Variants in ATRN observed in about 807,000 individuals in gnomAD.
ATRN encodes attractin.
ATRN carries 54 observed loss-of-function variants against 178.7 expected under a neutral mutation model. The ratio of observed to expected loss-of-function variants is 0.30; its 90% CI spans 0.24 to 0.38. The LOEUF (loss-of-function observed/expected upper bound fraction) is 0.38. Ranked by LOEUF, ATRN falls within the 10% of genes least tolerant of loss-of-function variation. The probability of loss-of-function intolerance (pLI) is 1.00; values close to 1 mark genes in which losing one functional copy is unlikely to be tolerated. For synonymous variants in ATRN, 636 were observed against 663.0 expected, an observed-to-expected ratio of 0.96 and a Z score of 0.63; for missense variants, 1,443 against 1,815.1, an observed-to-expected ratio of 0.79 and a Z score of 3.73.
intron 6 of ATRN, among the ~76,000 whole-genome samples, chr20:3,555,629 A>G (rs533637766): frequency 7.6e-4 from 116 of 152,284 alleles, no homozygotes; most frequent in Non-Finnish European, 1.4e-3. Flanking sequence ...CTGAGCCCCA[A>G]CATTTCCTTA....
intron 6 of ATRN, among the ~76,000 whole-genome samples, chr20:3,557,823 A>G (rs566581965): frequency 6.6e-6 from 1 of 152,380 alleles, no homozygotes; most frequent in East Asian, 1.9e-4. Context: ...AATAAATTGC[A>G]TATAACTTTA....
chr20:3,566,867 A>G (rs1235505825), intron 11 of ATRN, among the ~76,000 whole-genome samples: 1 of 134,322 alleles, frequency 7.4e-6, no homozygotes, highest in Non-Finnish European at 1.5e-5. Context: ...AGATTATGCC[A>G]CTGCATTCCA....
intron 4 of ATRN, among the ~76,000 whole-genome samples, chr20:3,546,241 A>G (rs1418746916): frequency 6.6e-6 from 1 of 152,188 alleles, no homozygotes. Context: ...AAATATTAGT[A>G]GTTGTCATGT....
Position 3,574,001 on chromosome 20 carries a change from G to A in ATRN, c.2092+1050G>A, listed in dbSNP as rs368603840. On this transcript the variant is annotated intron_variant, in intron 12 of 28. Coordinates refer to ENST00000262919, the MANE Select transcript of ATRN (RefSeq NM_139321.3). ...GATCTGCCCGCCTCAGCCTCGCAAA[G>A]TGTTGGAATTACAGGCGTGAGCTAC... Among the ~76,000 whole-genome samples, 7 of 152,128 alleles carry A rather than the reference G, an allele frequency of 4.6e-5. No homozygotes were observed. The East Asian group carries it at 1.3e-3, about 29-fold the overall frequency.
chr20:3,647,684 A>G lies in ATRN; in HGVS notation c.*837A>G, dbSNP rs2087117515. 1 of 152,200 alleles carries G rather than the reference A, an allele frequency of 6.6e-6. No homozygotes were observed. Among genetic ancestry groups the G allele is most frequent in the South Asian group, 2.1e-4 (1 of 4,828 alleles). The allele number at this position is 152,200 out of a possible 1,614,324, so 9.4% of individuals were successfully genotyped here. A position where few individuals can be genotyped will look rare whatever the true frequency, so the allele number is the denominator to read the frequency against. On this transcript the variant is annotated 3_prime_UTR_variant, in exon 29 of 29. Coordinates refer to ENST00000262919, the MANE Select transcript of ATRN (RefSeq NM_139321.3). ...TAGCAATTGGAAAGTTAGTAAGCCT[A>G]AGTTTTTACATAATTGCATTCCTAC...
intron 22 of ATRN, 46 bp downstream of exon 22, chr20:3,598,046 A>G (rs1202150563): frequency 5.4e-6 from 7 of 1,299,512 alleles, no homozygotes; most frequent in Non-Finnish European, 6.7e-6. Context: ...ATTTGTATGG[A>G]TCTTTTTCTT....
intron 27 of ATRN, among the ~76,000 whole-genome samples, chr20:3,641,588 C>T (rs1287545014): frequency 1.1e-4 from 3 of 28,066 alleles, no homozygotes; most frequent in East Asian, 1.3e-3. Flanking sequence ...AAGACTCTGT[C>T]GCAAAAAAAA....
intron 18 of ATRN, among the ~76,000 whole-genome samples, chr20:3,590,197 T>C (rs1432744200): frequency 1.3e-5 from 2 of 152,176 alleles, no homozygotes; most frequent in African/African-American, 4.8e-5. Flanking sequence ...GTGATCCACC[T>C]ACCTTGGCCT....
intron 1 of ATRN, among the ~76,000 whole-genome samples, chr20:3,510,231 A>C (rs529558882): frequency 6.6e-6 from 1 of 152,198 alleles, no homozygotes; most frequent in African/African-American, 2.4e-5. Flanking sequence ...AGGGTTAGGT[A>C]TTGCATTTGA....
chr20:3,605,328 A>G (rs976051913), intron 24 of ATRN, among the ~76,000 whole-genome samples: 3 of 152,334 alleles, frequency 2.0e-5, no homozygotes, highest in East Asian at 1.9e-4. Context: ...TAGTTCAACC[A>G]TTGTGGAAGA....
rs200507855 is a variant in ATRN at position 3,587,827 on chromosome 20, CTGTTTGTT to C, written c.3184+2976_3184+2983del. ...TACTGACCAATTTGGGGTGTATTGC[CTGTTTGTT>C]TGTTTGTTTGTTTGTTTGTTTGTTT... is the stretch of plus-strand genomic sequence containing the variant. On this transcript the variant is annotated intron_variant, in intron 18 of 28. Transcript: ENST00000262919. 9.4e-3 allele frequency among the ~76,000 whole-genome samples: 1,418 copies of C among 151,050 alleles called. 20 individuals carry two copies. The highest frequency in any genetic ancestry group is 0.027 in the African/African-American group (1,099 of 40,954).
At chr20:3,539,091 G>A (rs1367083208) in intron 2 of ATRN, among the ~76,000 whole-genome samples, 1 of 152,160 alleles carries the variant, frequency 6.6e-6, no homozygotes, top group Non-Finnish European at 1.5e-5. Flanking sequence ...GAGTTTACTT[G>A]TTTATGTATT....
chr20:3,534,308 AGTC>A (rs2085493778), intron 1 of ATRN, among the ~76,000 whole-genome samples: 1 of 152,160 alleles, frequency 6.6e-6, no homozygotes, highest in Non-Finnish European at 1.5e-5. Context: ...ATGAGATAGT[AGTC>A]AGAGGTCAGG....
intron 1 of ATRN, among the ~76,000 whole-genome samples, chr20:3,516,619 G>T (rs1426836198): frequency 6.6e-6 from 1 of 152,124 alleles, no homozygotes; most frequent in Non-Finnish European, 1.5e-5. Flanking sequence ...GAGCCAAGGG[G>T]GATATGAAGA....
chr20:3,574,809 G>A (rs1402231283), intron 12 of ATRN, among the ~76,000 whole-genome samples: 1 of 152,128 alleles, frequency 6.6e-6, no homozygotes, highest in East Asian at 1.9e-4. Context: ...CCAGTCCTTG[G>A]GATAATGACC....
At chr20:3,554,882 AAAAAAT>A (rs1479726514) in intron 6 of ATRN, among the ~76,000 whole-genome samples, 1 of 152,102 alleles carries the variant, frequency 6.6e-6, no homozygotes, top group Non-Finnish European at 1.5e-5. Flanking sequence ...TAAGTTTAAA[AAAAAAT>A]AGTAAGAAAT....
intron 25 of ATRN, chr20:3,629,202 G>A: frequency 1.0e-6 from 1 of 985,338 alleles, no homozygotes; most frequent in Non-Finnish European, 1.2e-6. Context: ...GGCCCCTCCA[G>A]AATCCACAAA....
At chr20:3,600,236 A>G (rs1274007379) in intron 22 of ATRN, among the ~76,000 whole-genome samples, 2 of 152,208 alleles carry the variant, frequency 1.3e-5, no homozygotes, top group Non-Finnish European at 1.5e-5. Context: ...TTTATTAGTC[A>G]TTAAGACCAA....
At chr20:3,495,767 G>GAA (rs894435615) in intron 1 of ATRN, among the ~76,000 whole-genome samples, 10 of 142,868 alleles carry the variant, frequency 7.0e-5, no homozygotes, top group Non-Finnish European at 9.2e-5. Context: ...ATTGTTAAAT[G>GAA]AAAAAAAAAA....
Sources: allele counts gnomAD v4.1 joint callset (sites outside exome capture counted in the v4.1 genomes callset), GRCh38; gene constraint gnomAD v4.1.1; transcripts MANE v1.5; gene names NCBI Gene and HGNC (gene_info 2026-07-23, HGNC 2026-07-21).